Variants in INTS2 observed in about 807,000 individuals in gnomAD.
INTS2 encodes the protein integrator complex subunit 2.
A neutral mutation model predicts 139.6 loss-of-function variants in INTS2; 57 were observed. The observed-to-expected ratio is 0.41, with a 90% CI of 0.33 to 0.51. The LOEUF (loss-of-function observed/expected upper bound fraction) is 0.51, where lower values mean the gene tolerates loss of function less well. INTS2 is among the 20% of genes least tolerant of loss of function. INTS2 has a pLI of 0.28. For missense variants in INTS2, 1,196 were observed against 1,436.7 expected (o/e 0.83, Z 2.71); for synonymous variants, 473 against 493.4 (o/e 0.96, Z 0.55).
In INTS2 at chr17:61,909,860, T is replaced by TGC. The variant is rs1603381138; in HGVS notation, c.954+1658_954+1659dup. On this transcript the variant is annotated intron_variant, in intron 7 of 24. Coordinates refer to ENST00000251334, the MANE Select transcript of INTS2 (RefSeq NM_001351695.2). This position sits in a 1 kb window ranked among gnomAD's most constrained non-coding sequence, Gnocchi z 4.9. Reference sequence around the variant, plus strand: ...GTGTGTGTGTGTGTGTGTGTGTGTGTGCATATATCACATTTTCTTTAAGCA... The same window carrying TGC: ...GTGTGTGTGTGTGTGTGTGTGTGTGTGCGCATATATCACATTTTCTTTAAGCA... 6.8e-6 allele frequency among the ~76,000 whole-genome samples: 1 copy of TGC among 146,166 alleles called. No individual in the cohort carries two copies. The highest frequency in any genetic ancestry group is 1.5e-5 in the Non-Finnish European group (1 of 66,548).
intron 5 of INTS2, among the ~76,000 whole-genome samples, chr17:61,916,231 G>A (rs910594365): frequency 2.6e-5 from 4 of 151,878 alleles, no homozygotes; most frequent in East Asian, 1.9e-4. Context: ...TCAGGAGATC[G>A]AGACCATCCT....
intron 1 of INTS2, chr17:61,926,954 C>T: frequency 2.4e-6 from 1 of 410,200 alleles, no homozygotes; most frequent in Non-Finnish European, 4.5e-6. Flanking sequence ...AAGTAACACG[C>T]CCAAAATAGT....
In INTS2 at chr17:61,897,200, A is replaced by T. The variant is rs2079358291; in HGVS notation, c.1494+269T>A. Among the ~76,000 whole-genome samples, 1 of 152,184 alleles carries T rather than the reference A, an allele frequency of 6.6e-6. No individual in the cohort carries two copies. Among genetic ancestry groups the T allele is most frequent in the Non-Finnish European group, 1.5e-5 (1 of 68,016 alleles). ...ACGTCACTTTAAAGAAAGAACAGAC[A>T]TCAGAATATTAATAGTAGTATACTA... On this transcript the variant is annotated intron_variant, in intron 11 of 24. Transcript: ENST00000251334. The surrounding 1 kb of genome is among the most constrained non-coding windows in gnomAD (Gnocchi z 4.4).
chr17:61,927,899 G>A lies in INTS2; in HGVS notation c.-264C>T, dbSNP rs775491484. Reference sequence around the variant, plus strand: ...AGGCAGAACCGGGACTGTAGGAACGGAAAAGCGGGAGACTTTTTCAACCTG... The same window carrying A: ...AGGCAGAACCGGGACTGTAGGAACGAAAAAGCGGGAGACTTTTTCAACCTG... On this transcript the variant is annotated 5_prime_UTR_variant, in exon 1 of 25. Transcript: ENST00000251334. 2 of 1,613,922 alleles carry A rather than the reference G, an allele frequency of 1.2e-6. No homozygotes were observed. The highest frequency in any genetic ancestry group is 2.2e-5 in the South Asian group (2 of 91,082).
chr17:61,866,564 AT>A lies in INTS2; in HGVS notation c.*992del, dbSNP rs1393360868. 2 of 152,216 alleles carry A rather than the reference AT, an allele frequency of 1.3e-5. No homozygotes were observed. Among genetic ancestry groups the A allele is most frequent in the East Asian group, 3.9e-4 (2 of 5,182 alleles). 9.4% of individuals were successfully genotyped at this position (152,216 alleles called of 1,614,324 possible). ...CTGCAAAATCCTTCGGCAAGACAAT[AT>A]TTTCTACACTTTAACTTTTCCTCAG... On this transcript the variant is annotated 3_prime_UTR_variant, in exon 25 of 25. Coordinates refer to ENST00000251334, the MANE Select transcript of INTS2 (RefSeq NM_001351695.2).
rs2079508313 is a variant in INTS2 at position 61,909,842 on chromosome 17, T to TAC, written c.954+1677_954+1678insGT. On this transcript the variant is annotated intron_variant, in intron 7 of 24. Coordinates refer to ENST00000251334, the MANE Select transcript of INTS2 (RefSeq NM_001351695.2). This position sits in a 1 kb window ranked among gnomAD's most constrained non-coding sequence, Gnocchi z 4.9. ...GTGTGTATGTGTGTGTGTGTGTGTGTGTGTGTGTGTGTGTGTGTGCATATA... is the reference window on the plus strand; with the variant it reads ...GTGTGTATGTGTGTGTGTGTGTGTGTACGTGTGTGTGTGTGTGTGTGCATATA... Among the ~76,000 whole-genome samples, 2 of 151,688 alleles carry TAC rather than the reference T, an allele frequency of 1.3e-5. No individual in the cohort carries two copies.
Position 61,899,780 on chromosome 17 carries a change from C to T in INTS2, c.1308-2041G>A, listed in dbSNP as rs149214403. 5.3e-5 allele frequency among the ~76,000 whole-genome samples: 8 copies of T among 151,708 alleles called. No homozygotes were observed. In the East Asian group the frequency reaches 9.8e-4, roughly 19 times the overall value. On this transcript the variant is annotated intron_variant, in intron 9 of 24. Transcript: ENST00000251334. ...TTTAAAAATTAGACAGGCATGGTGG[C>T]GCATGTTTGTAGTCCCAGCTACACG... is the stretch of plus-strand genomic sequence containing the variant.
At chr17:61,910,980 A>C (rs1326545336) in intron 7 of INTS2, 1 of 152,614 alleles carries the variant, frequency 6.6e-6, no homozygotes, top group Non-Finnish European at 1.5e-5. Flanking sequence ...AAATACAATA[A>C]AATAAAACTA....
At chr17:61,923,273 C>T (rs573309713) in intron 3 of INTS2, among the ~76,000 whole-genome samples, 14 of 151,130 alleles carry the variant, frequency 9.3e-5, no homozygotes, top group Admixed American at 3.3e-4. Flanking sequence ...ATCAGGAGAT[C>T]GAGACCATCC....
At chr17:61,923,842 G>A (rs1005593514) in intron 3 of INTS2, among the ~76,000 whole-genome samples, 4 of 152,146 alleles carry the variant, frequency 2.6e-5, no homozygotes, top group Middle Eastern at 3.4e-3. Context: ...TAGTAGAAAC[G>A]GGGTTTCTCC....
At chr17:61,900,883 G>A (rs995915731) in intron 9 of INTS2, among the ~76,000 whole-genome samples, 2 of 150,616 alleles carry the variant, frequency 1.3e-5, no homozygotes, top group East Asian at 2.0e-4. Flanking sequence ...ACTTGAACCC[G>A]GGAGGCAGAG....
chr17:61,927,531 T>C (rs971917381), intron 1 of INTS2, 123 bp downstream of exon 1: 2 of 475,140 alleles, frequency 4.2e-6, no homozygotes, highest in East Asian at 1.0e-4. Flanking sequence ...AAGACCTGCG[T>C]GCTCCTCCGT....
chr17:61,881,194 A>G (rs773499186), intron 16 of INTS2, 23 bp from the exon 17 acceptor site: 3 of 1,596,096 alleles, frequency 1.9e-6, no homozygotes, highest in African/African-American at 1.3e-5. Context: ...CAGAAAATCA[A>G]TTGGATTCTT....
chr17:61,891,713 T>G, intron 13 of INTS2, 24 bp from the exon 14 acceptor site: 1 of 1,535,208 alleles, frequency 6.5e-7, no homozygotes, highest in Non-Finnish European at 8.8e-7. Context: ...TTATAGACAC[T>G]GAATTAATTG....
chr17:61,906,963 C>CAAAAAAAAAAAAAAA (rs34773307), intron 8 of INTS2, among the ~76,000 whole-genome samples: 1 of 80,206 alleles, frequency 1.2e-5, no homozygotes, highest in African/African-American at 4.6e-5. Flanking sequence ...GATTCCATCT[C>CAAAAAAAAAAAAAAA]AAAAAAAAAA....
chr17:61,869,114 T>C lies in INTS2; in HGVS notation c.3164A>G (p.His1055Arg). 1 of 1,611,108 alleles carries C rather than the reference T, an allele frequency of 6.2e-7. No individual in the cohort carries two copies. Among genetic ancestry groups the C allele is most frequent in the East Asian group, 2.2e-5 (1 of 44,824 alleles). The change falls in exon 23 of 25, where the codon CAC becomes CGC. Residue 1055 changes from histidine to arginine, a missense_variant. Around this residue, in one of 3 missense-constraint regions of INTS2, gnomAD observed 1,129 missense variants for 1,341.9 expected, o/e 0.84. Transcript: ENST00000251334. This position sits in a 1 kb window ranked among gnomAD's most constrained non-coding sequence, Gnocchi z 5.4. ...TGGTAATGCATATTGTATACACAAG[T>C]GAGAAAGCAACTGGATAGCAAATAT... ...KQIFAIQLLS[H>R]LCIQYALPKS...
intron 8 of INTS2, among the ~76,000 whole-genome samples, chr17:61,904,828 C>T (rs1404509688): frequency 1.3e-5 from 2 of 152,040 alleles, no homozygotes; most frequent in Non-Finnish European, 2.9e-5. Flanking sequence ...ATAAAAATGA[C>T]CATGCAAGCT....
In INTS2 at chr17:61,919,492, A is replaced by G; in HGVS notation, c.557T>C (p.Ile186Thr). 1.3e-6 allele frequency: 2 copies of G among 1,589,464 alleles called. No individual in the cohort carries two copies. The highest frequency in any genetic ancestry group is 8.6e-7 in the Non-Finnish European group (1 of 1,165,030). The change falls in exon 5 of 25, where the codon ATA becomes ACA. Residue 186 changes from isoleucine to threonine, a missense_variant. Around this residue, in one of 3 missense-constraint regions of INTS2, gnomAD observed 1,129 missense variants for 1,341.9 expected, o/e 0.84. Transcript: ENST00000251334. ...LQAELPSLLP[I>T]VDVAEALLHV... ...TAGCAAAGCTTCAGCTACATCAACT[A>G]TAGGGAGCAAGGAAGGGAGCTCTAC...
chr17:61,888,148 A>C (rs545101174), intron 15 of INTS2, among the ~76,000 whole-genome samples: 1 of 152,190 alleles, frequency 6.6e-6, no homozygotes, highest in African/African-American at 2.4e-5. Context: ...AGCCAGGAGG[A>C]CTGCTCGAGC....
Sources: gnomAD v4.1 joint callset for allele counts (sites outside exome capture counted in the v4.1 genomes callset) on GRCh38, gnomAD v4.1.1 for gene constraint, gnomAD v4.1.1 regional missense constraint, Gnocchi (gnomAD v3.1) non-coding constraint, MANE v1.5 for transcripts, NCBI Gene and HGNC (gene_info 2026-07-23, HGNC 2026-07-21) for gene names.